Variants in UMAD1 observed in about 807,000 individuals in gnomAD.
The protein encoded by UMAD1 is UBAP1-MVB12-associated (UMA) domain containing 1.
In UMAD1, 8 loss-of-function variants were observed where a neutral mutation model predicts 6.1. The observed-to-expected ratio is 1.30, with a 90% CI of 0.76 to 2.35. The LOEUF is 2.35. Among genes scored for constraint, UMAD1 ranks in the 30% most tolerant of loss-of-function variants. The pLI is 0.00. For missense variants in UMAD1, 130 were observed against 78.4 expected (o/e 1.66, Z -2.49); for synonymous variants, 56 against 31.4 (o/e 1.78, Z -2.61).
At chr7:7,727,821 A>C (rs577878486) in intron 2 of UMAD1, among the ~76,000 whole-genome samples, 1 of 152,088 alleles carries the variant, frequency 6.6e-6, no homozygotes, top group East Asian at 1.9e-4. Context: ...CTTGCTCCTC[A>C]GTTTGTAGAT....
chr7:7,653,484 G>A (rs542894263), intron 1 of UMAD1, among the ~76,000 whole-genome samples: 2 of 152,128 alleles, frequency 1.3e-5, no homozygotes, highest in East Asian at 3.9e-4. Context: ...AAAAACTGTG[G>A]TTTTCACATG....
chr7:7,754,786 A>G (rs989648725), intron 2 of UMAD1, among the ~76,000 whole-genome samples: 1 of 152,224 alleles, frequency 6.6e-6, no homozygotes, highest in East Asian at 1.9e-4. Flanking sequence ...TCTAAAATCC[A>G]AAGGACATCA....
chr7:7,789,780 T>C (rs952328763), intron 2 of UMAD1, among the ~76,000 whole-genome samples: 24 of 152,218 alleles, frequency 1.6e-4, no homozygotes, highest in African/African-American at 4.8e-4. Flanking sequence ...GTAGCATGTA[T>C]CAATTTCCCC....
intron 2 of UMAD1, among the ~76,000 whole-genome samples, chr7:7,792,254 A>G (rs1782580481): frequency 6.6e-6 from 1 of 152,110 alleles, no homozygotes; most frequent in East Asian, 1.9e-4. Context: ...TCCTTCCTCT[A>G]TGGCTTAGCT....
chr7:7,689,617 C>T (rs1780125944), intron 2 of UMAD1, among the ~76,000 whole-genome samples: 1 of 152,152 alleles, frequency 6.6e-6, no homozygotes, highest in Non-Finnish European at 1.5e-5. Flanking sequence ...TTTTCATGCC[C>T]AGACTTCATG....
At chr7:7,818,867 T>C (rs1413514205) in intron 3 of UMAD1, among the ~76,000 whole-genome samples, 2 of 152,238 alleles carry the variant, frequency 1.3e-5, no homozygotes, top group Non-Finnish European at 2.9e-5. Context: ...TCTGTTTTTT[T>C]GAGACGGAGT....
At chr7:7,656,192 C>G (rs1785337837) in intron 1 of UMAD1, among the ~76,000 whole-genome samples, 1 of 151,944 alleles carries the variant, frequency 6.6e-6, no homozygotes, top group Non-Finnish European at 1.5e-5. Context: ...TCTGTATACA[C>G]CATTGTAAAA....
intron 2 of UMAD1, among the ~76,000 whole-genome samples, chr7:7,678,762 A>G (rs192701950): frequency 0.25 from 7,152 of 29,036 alleles, 47 homozygotes; most frequent in East Asian, 0.33. Flanking sequence ...ATATATTTAT[A>G]TATTTAGTTT....
intron 1 of UMAD1, among the ~76,000 whole-genome samples, chr7:7,648,177 G>A (rs1253913146): frequency 2.6e-5 from 4 of 152,150 alleles, no homozygotes; most frequent in African/African-American, 4.8e-5. Context: ...TTCTAAATCA[G>A]GAGATTTCCA....
intron 3 of UMAD1, among the ~76,000 whole-genome samples, chr7:7,813,534 A>T (rs1397856969): frequency 6.6e-6 from 1 of 152,040 alleles, no homozygotes; most frequent in Non-Finnish European, 1.5e-5. Context: ...CCACTTGCAG[A>T]GGGAGAAAAG....
chr7:7,853,631 T>TA (rs1444835378), intron 3 of UMAD1, among the ~76,000 whole-genome samples: 2 of 152,230 alleles, frequency 1.3e-5, no homozygotes, highest in African/African-American at 4.8e-5. Flanking sequence ...TATATAGAAA[T>TA]ACAACTGATT....
chr7:7,711,565 A>G (rs938392044), intron 2 of UMAD1, among the ~76,000 whole-genome samples: 12 of 152,102 alleles, frequency 7.9e-5, no homozygotes, highest in Admixed American at 7.2e-4. Flanking sequence ...AGAAAATGGT[A>G]TCTTGTGTTT....
intron 2 of UMAD1, among the ~76,000 whole-genome samples, chr7:7,746,777 C>A (rs757614594): frequency 1.3e-5 from 2 of 152,206 alleles, no homozygotes; most frequent in Non-Finnish European, 2.9e-5. Context: ...TCTTAATTCG[C>A]TAAAAAGGCC....
At chr7:7,704,478 G>C (rs1044997951) in intron 2 of UMAD1, among the ~76,000 whole-genome samples, 1 of 151,584 alleles carries the variant, frequency 6.6e-6, no homozygotes, top group African/African-American at 2.4e-5. Context: ...CTTCTGGGCC[G>C]GGCGCGGTGG....
chr7:7,815,354 T>G (rs752124001), intron 3 of UMAD1, among the ~76,000 whole-genome samples: 1 of 152,164 alleles, frequency 6.6e-6, no homozygotes, highest in Non-Finnish European at 1.5e-5. Context: ...TAGTTTCTTT[T>G]TAGATTGGAA....
At chr7:7,692,924 AT>A (rs1780209550) in intron 2 of UMAD1, among the ~76,000 whole-genome samples, 1 of 152,204 alleles carries the variant, frequency 6.6e-6, no homozygotes, top group Non-Finnish European at 1.5e-5. Flanking sequence ...GGCTTTTAAA[AT>A]GGTATATTTC....
At chr7:7,825,714 A>G (rs1231425626) in intron 3 of UMAD1, among the ~76,000 whole-genome samples, 1 of 152,188 alleles carries the variant, frequency 6.6e-6, no homozygotes, top group East Asian at 1.9e-4. Context: ...ATATTTTATA[A>G]CAAATATGCA....
rs376417066 is a variant in UMAD1 at position 7,853,297 on chromosome 7, T to C, written c.157-23984T>C. On this transcript the variant is annotated intron_variant, in intron 3 of 3. Transcript: ENST00000682710. ...TTCGTTTTCAAGATTGTTTTGGCAA[T>C]TCTGGATTCCTGGCAATTCCATATG... Among the ~76,000 whole-genome samples the C allele has an allele frequency of 3.0e-4, 45 of 152,366 alleles. No homozygotes were observed. In the East Asian group the frequency reaches 7.3e-3, roughly 25 times the overall value.
chr7:7,662,825 G>A (rs12112300), intron 1 of UMAD1, among the ~76,000 whole-genome samples: 127,097 of 152,158 alleles, frequency 0.84, 53,269 homozygotes, highest in Non-Finnish European at 0.88. Context: ...TTAAAATGTT[G>A]TGGTGTTTAG....
Sources: allele counts gnomAD v4.1 joint callset (sites outside exome capture counted in the v4.1 genomes callset), GRCh38; gene constraint gnomAD v4.1.1; transcripts MANE v1.5; gene names NCBI Gene and HGNC (gene_info 2026-07-23, HGNC 2026-07-21).